Variants in MCM4 observed in about 807,000 individuals in gnomAD.
The protein encoded by MCM4 is DNA replication licensing factor MCM4.
A neutral mutation model predicts 88.7 loss-of-function variants in MCM4; 60 were observed. The observed-to-expected ratio is 0.68, with a 90% CI of 0.55 to 0.84. The LOEUF (loss-of-function observed/expected upper bound fraction) is 0.84. Ranked by LOEUF, MCM4 falls within the 40% of genes least tolerant of loss-of-function variation. The pLI, the probability that MCM4 is intolerant of heterozygous loss-of-function variation, is 0.00. For missense variants in MCM4, 1,149 were observed against 1,105.5 expected (o/e 1.04, Z -0.56); for synonymous variants, 465 against 410.5 (o/e 1.13, Z -1.61).
In MCM4 at chr8:47,962,378, A is replaced by T. The variant is rs2090852230; in HGVS notation, c.473A>T (p.Asn158Ile). The T allele has an allele frequency of 6.2e-7, 1 of 1,614,236 alleles. No homozygotes were observed. The highest frequency in any genetic ancestry group is 1.3e-5 in the African/African-American group (1 of 75,074). The change falls in exon 5 of 17, where the codon AAT becomes ATT. Residue 158 changes from asparagine (N) to isoleucine (I), a missense_variant. By Grantham distance (149) the Asn-to-Ile change is moderately radical (BLOSUM62 -3). Transcript: ENST00000649973. ...QKLVIWGTDV[N>I]VAACKENFQR... Reference sequence around the variant, plus strand: ...CTTGTGATCTGGGGAACAGATGTAAATGTGGCAGCATGCAAAGAAAACTTT... The same window carrying T: ...CTTGTGATCTGGGGAACAGATGTAATTGTGGCAGCATGCAAAGAAAACTTT...
intron 3 of MCM4, 77 bp downstream of exon 3, chr8:47,961,757 ATAACAGTTGG>A: frequency 8.6e-6 from 13 of 1,510,088 alleles, no homozygotes; most frequent in Non-Finnish European, 1.2e-5. Context: ...TACTGGCTTT[ATAACAGTTGG>A]CATAACGCCT....
At chr8:47,965,653 G>A (rs911027776) in intron 8 of MCM4, among the ~76,000 whole-genome samples, 1 of 152,186 alleles carries the variant, frequency 6.6e-6, no homozygotes, top group Non-Finnish European at 1.5e-5. Context: ...TCAAATAATA[G>A]AGGAAACGAG....
chr8:47,970,681 G>C lies in MCM4; in HGVS notation c.1605G>C (p.Gly535=), dbSNP rs777517502. 37 of 1,614,088 alleles carry C rather than the reference G, an allele frequency of 2.3e-5. No homozygotes were observed. The highest frequency in any genetic ancestry group is 6.7e-5 in the Admixed American group (4 of 60,008). ...TCCCCAGGGGCCAGTACACGTCTGG[G>C]AAGGGCTCCAGTGCAGTTGGCCTCA... The part of the protein sequence containing the change: ...NLVPRGQYTS[G]KGSSAVGLTA... The change falls in exon 12 of 17, where the codon GGG becomes GGC. Residue 535 remains glycine (G), a synonymous_variant. Transcript: ENST00000649973.
Position 47,971,440 on chromosome 8 carries a change from A to G in MCM4, c.1900A>G (p.Ile634Val). Residue 634 changes from isoleucine (I) to valine (V), a missense_variant, in exon 13 of 17, where the codon ATC becomes GTC. Physicochemically the swap from Ile to Val is conservative, Grantham distance 29 (BLOSUM62 3). Coordinates refer to ENST00000649973, the MANE Select transcript of MCM4 (RefSeq NM_182746.3). ...TCCTAAAAAAACAACCATTGAAAACATCCAGCTGCCTCATACTTTATTATC... is the reference window on the plus strand; with the variant it reads ...TCCTAAAAAAACAACCATTGAAAACGTCCAGCTGCCTCATACTTTATTATC... ...WNPKKTTIEN[I>V]QLPHTLLSRF... 2 of 1,614,124 alleles carry G rather than the reference A, an allele frequency of 1.2e-6. No homozygotes were observed.
rs200218998 is a variant in MCM4, at chr8:47,967,384, C to A, written c.1073C>A (p.Pro358Gln). 2 of 1,614,174 alleles carry A rather than the reference C, an allele frequency of 1.2e-6. No homozygotes were observed. Among genetic ancestry groups the A allele is most frequent in the Non-Finnish European group, 1.7e-6 (2 of 1,180,028 alleles). ...DKQMIKLQESPEDMPAGQTPH... is the reference protein window; with the variant it reads ...DKQMIKLQESQEDMPAGQTPH... Reference sequence around the variant, plus strand: ...CTTCAGATCAAGCTTCAGGAGTCTCCGGAAGACATGCCTGCAGGGCAGACA... The same window carrying A: ...CTTCAGATCAAGCTTCAGGAGTCTCAGGAAGACATGCCTGCAGGGCAGACA... Residue 358 changes from proline to glutamine, a missense_variant, in exon 10 of 17, where the codon CCG (proline) becomes CAG (glutamine). This residue lies in a region of MCM4 where 906 missense variants were observed against 843.0 expected (regional missense o/e 1.07). Transcript: ENST00000649973.
Position 47,973,045 on chromosome 8 carries a change from C to T in MCM4, c.2117C>T (p.Ala706Val), listed in dbSNP as rs1392104234. The T allele has an allele frequency of 3.1e-6, 5 of 1,613,602 alleles. No homozygotes were observed. The East Asian group carries it at 8.9e-5, about 29-fold the overall frequency. The change falls in exon 14 of 17, where the codon GCC becomes GTC. Residue 706 changes from alanine (A) to valine (V), a missense_variant. Ala to Val is a moderately conservative substitution (Grantham distance 64). This residue lies in a region of MCM4 where 238 missense variants were observed against 241.6 expected (regional missense o/e 0.99). Coordinates refer to ENST00000649973, the MANE Select transcript of MCM4 (RefSeq NM_182746.3). Reference sequence around the variant, plus strand: ...ATCATGCCGCGGCTAAGTGAGGAAGCCAGCCAGGCTCTCATCGAGGTAACC... The same window carrying T: ...ATCATGCCGCGGCTAAGTGAGGAAGTCAGCCAGGCTCTCATCGAGGTAACC... ...STIMPRLSEEASQALIEAYVD... is the reference protein window; with the variant it reads ...STIMPRLSEEVSQALIEAYVD...
intron 6 of MCM4, 43 bp downstream of exon 6, chr8:47,962,902 A>G: frequency 6.4e-7 from 1 of 1,571,018 alleles, no homozygotes; most frequent in African/African-American, 1.4e-5. Context: ...GTTTTAAAAT[A>G]GTTAAATTAG....
intron 7 of MCM4, among the ~76,000 whole-genome samples, chr8:47,963,899 T>G (rs983089104): frequency 6.6e-6 from 1 of 152,228 alleles, no homozygotes; most frequent in African/African-American, 2.4e-5. Flanking sequence ...GGGAACCATA[T>G]GTTAAGAAAT....
rs143542836 is a variant in MCM4 at position 47,974,963 on chromosome 8, G to A, written c.2365+1G>A. 8.4e-5 allele frequency: 135 copies of A among 1,603,670 alleles called. No homozygotes were observed. The highest frequency in any genetic ancestry group is 1.1e-4 in the Non-Finnish European group (131 of 1,173,496). On this transcript the variant is annotated splice_donor_variant, in intron 15 of 16. Transcript: ENST00000649973. LOFTEE classifies it high-confidence loss of function. Reference sequence around the variant, plus strand: ...GTGGACATATCTATTCTTACTACGGGTTCGTTATTTTCAGTGAACAGAAAA... The same window carrying A: ...GTGGACATATCTATTCTTACTACGGATTCGTTATTTTCAGTGAACAGAAAA...
chr8:47,976,560 C>T (rs2154505523), intron 16 of MCM4, 126 bp from the exon 17 acceptor site: 1 of 614,232 alleles, frequency 1.6e-6, no homozygotes, highest in Non-Finnish European at 2.9e-6. Flanking sequence ...GAGCATAAGG[C>T]ATGTGTACAG....
At position 47,961,175 on chromosome 8, in the gene MCM4, C is replaced by G. The variant is rs369039102; in HGVS notation, c.31C>G (p.Arg11Gly). 826 of 1,550,426 alleles carry G rather than the reference C, an allele frequency of 5.3e-4. No individual in the cohort carries two copies. The highest frequency in any genetic ancestry group is 6.8e-4 in the Non-Finnish European group (789 of 1,158,562). MSSPASTPSR[R>G]GSRRGRATPA... is the part of the protein sequence containing the mutation. ...GTCCCCGGCGTCGACCCCGAGCCGC[C>G]GCGGCAGCCGGCGTGGAAGGGCCAC... Residue 11 changes from arginine (R) to glycine (G), a missense_variant, in exon 2 of 17, where the codon CGC becomes GGC. Transcript: ENST00000649973.
chr8:47,971,323 C>T lies in MCM4; in HGVS notation c.1801-18C>T, dbSNP rs2154505345. ...AGCGTCAGGGAGAGGCTTCTAACTG[C>T]ACTCTTTGCTCTGATAGGCTGGGAT... On this transcript the variant is annotated intron_variant, in intron 12 of 16. Coordinates refer to ENST00000649973, the MANE Select transcript of MCM4 (RefSeq NM_182746.3). The T allele has an allele frequency of 6.2e-7, 1 of 1,613,912 alleles. No homozygotes were observed. The highest frequency in any genetic ancestry group is 8.5e-7 in the Non-Finnish European group (1 of 1,179,912).
At chr8:47,973,516 G>C (rs370969814) in intron 14 of MCM4, among the ~76,000 whole-genome samples, 1 of 145,880 alleles carries the variant, frequency 6.9e-6, no homozygotes, top group Non-Finnish European at 1.5e-5. Flanking sequence ...TTTGTGAGAC[G>C]GAGTCTCGCT....
chr8:47,973,090 T>G (rs768707178), intron 14 of MCM4, 26 bp downstream of exon 14: 2 of 1,593,746 alleles, frequency 1.3e-6, no homozygotes, highest in African/African-American at 2.7e-5. Flanking sequence ...AAAGGCTTAC[T>G]GTGCCTGTAG....
In MCM4 at chr8:47,961,165, C is replaced by G. The variant is rs2090823340; in HGVS notation, c.21C>G (p.Thr7=). The part of the protein sequence containing the change: MSSPAS[T]PSRRGSRRGR... The stretch of plus-strand genomic sequence containing the variant: ...GCACTATGTCGTCCCCGGCGTCGAC[C>G]CCGAGCCGCCGCGGCAGCCGGCGTG... The change falls in exon 2 of 17, where the codon ACC becomes ACG. Residue 7 remains threonine (T), a synonymous_variant. Transcript: ENST00000649973. The G allele has an allele frequency of 6.4e-7, 1 of 1,552,038 alleles. No individual in the cohort carries two copies. Among genetic ancestry groups the G allele is most frequent in the African/African-American group, 1.4e-5 (1 of 70,464 alleles).
chr8:47,961,022 C>G lies in MCM4; in HGVS notation c.-15+8C>G, dbSNP rs2090816532. 10 of 1,081,702 alleles carry G rather than the reference C, an allele frequency of 9.2e-6. No individual in the cohort carries two copies. The highest frequency in any genetic ancestry group is 1.1e-5 in the Non-Finnish European group (9 of 803,138). The allele number at this position is 1,081,702 out of a possible 1,614,324, so 67.0% of individuals were successfully genotyped here. On this transcript the variant is annotated splice_region_variant and intron_variant, in intron 1 of 16. Transcript: ENST00000649973. ...AGCGGCCGCCTTTCCACGGTAACCG[C>G]GCGCCGGCGGGGAGGGCGTGGCGCG...
intron 11 of MCM4, 36 bp downstream of exon 11, chr8:47,970,093 C>G (rs746732448): frequency 5.0e-6 from 8 of 1,603,468 alleles, no homozygotes; most frequent in Non-Finnish European, 6.0e-6. Context: ...TTGGGATTTA[C>G]AATTCTTTGG....
intron 5 of MCM4, 112 bp downstream of exon 5, chr8:47,962,518 T>C (rs2154505010): frequency 9.2e-7 from 1 of 1,086,490 alleles, no homozygotes. Context: ...CTGTGGTGGC[T>C]CACACCTATA....
chr8:47,961,944 C>A, intron 3 of MCM4, 109 bp from the exon 4 acceptor site: 1 of 1,093,216 alleles, frequency 9.1e-7, no homozygotes, highest in Non-Finnish European at 1.4e-6. Flanking sequence ...CCGCAGGTTG[C>A]AATAAATATT....
Sources: allele counts gnomAD v4.1 joint callset (sites outside exome capture counted in the v4.1 genomes callset), GRCh38; gene constraint gnomAD v4.1.1; regional missense constraint gnomAD v4.1.1; transcripts MANE v1.5; gene names NCBI Gene and HGNC (gene_info 2026-07-23, HGNC 2026-07-21).